The following AKT2 variants were observed in gnomAD, a reference collection of about 807,000 sequenced individuals.
AKT2 encodes RAC-beta serine/threonine-protein kinase.
AKT2 carries 16 observed loss-of-function variants against 58.6 expected under a neutral mutation model. That is an observed-to-expected ratio of 0.27 (90% confidence interval 0.18 to 0.41). The LOEUF (loss-of-function observed/expected upper bound fraction) is 0.41. AKT2 is among the 10% of genes least tolerant of loss of function. AKT2 has a pLI of 1.00. For missense variants in AKT2, 438 were observed against 661.0 expected (o/e 0.66, Z 3.70); for synonymous variants, 253 against 254.0 (o/e 1.00, Z 0.04).
intron 1 of AKT2, chr19:40,282,247 C>T (rs1001972179): frequency 9.2e-6 from 3 of 324,594 alleles, no homozygotes; most frequent in Non-Finnish European, 1.8e-5. Context: ...AGGAGCTTCT[C>T]GTGGATTAAT....
chr19:40,253,482 T>C (rs557464828), intron 4 of AKT2, among the ~76,000 whole-genome samples: 2 of 151,862 alleles, frequency 1.3e-5, no homozygotes, highest in African/African-American at 4.8e-5. Flanking sequence ...CACTTCAGAA[T>C]AGGAACTCAC....
At chr19:40,247,881 C>T (rs996934351) in intron 4 of AKT2, among the ~76,000 whole-genome samples, 1 of 152,148 alleles carries the variant, frequency 6.6e-6, no homozygotes, top group African/African-American at 2.4e-5. Context: ...GCACTTCTAC[C>T]TCCAAGAGCA....
chr19:40,263,640 C>A (rs1976126054), intron 2 of AKT2, among the ~76,000 whole-genome samples: 1 of 152,170 alleles, frequency 6.6e-6, no homozygotes, highest in African/African-American at 2.4e-5. Context: ...CCATCTCTGT[C>A]CAGAAAGAGC....
At chr19:40,275,699 T>G (rs536591561) in intron 1 of AKT2, among the ~76,000 whole-genome samples, 17 of 142,680 alleles carry the variant, frequency 1.2e-4, no homozygotes, top group African/African-American at 4.5e-4. Flanking sequence ...TAATTAAAAC[T>G]TAAAAAGCCA....
chr19:40,240,199 G>C (rs574069264), intron 6 of AKT2, 89 bp from the exon 7 acceptor site: 158 of 1,309,276 alleles, frequency 1.2e-4, no homozygotes, highest in Admixed American at 4.7e-4. Flanking sequence ...CTTGTGAAAT[G>C]CAATTCCATT....
At chr19:40,280,402 G>C (rs760115584) in intron 1 of AKT2, among the ~76,000 whole-genome samples, 3 of 152,178 alleles carry the variant, frequency 2.0e-5, no homozygotes, top group Non-Finnish European at 4.4e-5. Flanking sequence ...CTGTAAGGCA[G>C]TGATGCTACT....
chr19:40,247,740 G>T (rs963744184), intron 4 of AKT2, among the ~76,000 whole-genome samples: 1 of 152,150 alleles, frequency 6.6e-6, no homozygotes, highest in Admixed American at 6.5e-5. Context: ...TATGGTGGAG[G>T]ACTCCTGTCG....
intron 1 of AKT2, among the ~76,000 whole-genome samples, chr19:40,270,326 A>G (rs1279439089): frequency 2.0e-5 from 3 of 152,214 alleles, no homozygotes; most frequent in African/African-American, 7.2e-5. Flanking sequence ...CCACAGCTGG[A>G]TCCCCAGAGC....
chr19:40,244,514 A>T (rs1344353144), intron 4 of AKT2: 1 of 152,222 alleles, frequency 6.6e-6, no homozygotes, highest in Non-Finnish European at 1.5e-5. Context: ...TATTAGGCTG[A>T]ATTACACCAA....
intron 2 of AKT2, among the ~76,000 whole-genome samples, chr19:40,261,351 G>A (rs1452921724): frequency 1.3e-5 from 2 of 151,852 alleles, no homozygotes; most frequent in Admixed American, 6.6e-5. Context: ...TGGCCAACAT[G>A]GTGAAACCCC....
chr19:40,239,667 C>T (rs891463330), intron 7 of AKT2: 13 of 387,154 alleles, frequency 3.4e-5, no homozygotes, highest in African/African-American at 8.4e-5. Context: ...TGACAGACAA[C>T]ACAATGCTAA....
At chr19:40,269,815 AAAG>A (rs1239264213) in intron 1 of AKT2, among the ~76,000 whole-genome samples, 1 of 152,172 alleles carries the variant, frequency 6.6e-6, no homozygotes. Context: ...TTATAGAGTG[AAAG>A]AAGTCAGCAC....
At position 40,231,834 on chromosome 19, in the gene AKT2, G is replaced by A. The variant is rs116514473; in HGVS notation, c.*2038C>T. On this transcript the variant is annotated 3_prime_UTR_variant, in exon 14 of 14. Transcript: ENST00000392038. Reference sequence around the variant, plus strand: ...GGAGCTCCCAGGTGACAGCAACCACGCCACCATGAACACACCACTGGGTCT... The same window carrying A: ...GGAGCTCCCAGGTGACAGCAACCACACCACCATGAACACACCACTGGGTCT... The A allele has an allele frequency of 1.8e-3, 416 of 233,758 alleles. 1 individual carries two copies. The highest frequency in any genetic ancestry group is 8.2e-3 in the African/African-American group (371 of 45,474). 14.5% of individuals were successfully genotyped at this position (233,758 alleles called of 1,614,324 possible).
At chr19:40,249,686 G>C (rs1838130370) in intron 4 of AKT2, among the ~76,000 whole-genome samples, 1 of 152,266 alleles carries the variant, frequency 6.6e-6, no homozygotes, top group South Asian at 2.1e-4. Flanking sequence ...AGTCTGCCTT[G>C]TGAGGAGAAA....
chr19:40,245,782 T>C (rs1974710189), intron 4 of AKT2, among the ~76,000 whole-genome samples: 1 of 152,180 alleles, frequency 6.6e-6, no homozygotes, highest in African/African-American at 2.4e-5. Context: ...GGCAGAGATT[T>C]CCACCTGCTT....
Position 40,235,409 on chromosome 19 carries a change from G to A in AKT2, c.1176-59C>T. On this transcript the variant is annotated intron_variant, in intron 11 of 13. Transcript: ENST00000392038. This position sits in a 1 kb window ranked among gnomAD's most constrained non-coding sequence, Gnocchi z 6.3. ...GGAGCAGCTGGGTTCGGGCAGACGG[G>A]CTTTCGGAGCAGGCAGGCCCTGTAT... The A allele has an allele frequency of 5.2e-6, 8 of 1,524,596 alleles. No homozygotes were observed. Among genetic ancestry groups the A allele is most frequent in the Non-Finnish European group, 7.3e-6 (8 of 1,102,678 alleles). 94.4% of individuals were successfully genotyped at this position (1,524,596 alleles called of 1,614,324 possible).
At position 40,232,589 on chromosome 19, in the gene AKT2, G is replaced by GC. The variant is rs1186488452; in HGVS notation, c.*1282dup. 2 of 233,160 alleles carry GC rather than the reference G, an allele frequency of 8.6e-6. No homozygotes were observed. The highest frequency in any genetic ancestry group is 1.1e-4 in the Admixed American group (2 of 17,774). The allele number at this position is 233,160 out of a possible 1,614,324, so 14.4% of individuals were successfully genotyped here. ...TACAGGGAGGGGAGGCGTGGGCAGG[G>GC]CAGCTCATGGATCACAGTGGGGCTC... On this transcript the variant is annotated 3_prime_UTR_variant, in exon 14 of 14. Coordinates refer to ENST00000392038, the MANE Select transcript of AKT2 (RefSeq NM_001626.6).
At chr19:40,243,983 G>A (rs1013794611) in intron 4 of AKT2, 2 of 151,632 alleles carry the variant, frequency 1.3e-5, no homozygotes, top group African/African-American at 4.8e-5. Context: ...GGCGGAGGTT[G>A]CAGTGAGCCG....
chr19:40,277,094 T>C (rs1445263726), intron 1 of AKT2, among the ~76,000 whole-genome samples: 2 of 152,112 alleles, frequency 1.3e-5, no homozygotes, highest in African/African-American at 4.8e-5. Context: ...CCCAATGAGA[T>C]GGCTTCACAC....
Sources: gnomAD v4.1 joint callset for allele counts (sites outside exome capture counted in the v4.1 genomes callset) on GRCh38, gnomAD v4.1.1 for gene constraint, Gnocchi (gnomAD v3.1) non-coding constraint, MANE v1.5 for transcripts, NCBI Gene and HGNC (gene_info 2026-07-23, HGNC 2026-07-21) for gene names.